The following TBC1D9 variants were observed in gnomAD, a reference collection of about 807,000 sequenced individuals.
TBC1D9 encodes TBC1 domain family member 9A.
In TBC1D9, 63 loss-of-function variants were observed where a neutral mutation model predicts 132.0. The observed-to-expected ratio is 0.48, with a 90% CI of 0.39 to 0.59. The LOEUF (loss-of-function observed/expected upper bound fraction) is 0.59, where lower values mean the gene tolerates loss of function less well. TBC1D9 is among the 20% of genes least tolerant of loss of function. TBC1D9 has a pLI of 0.00. For missense variants in TBC1D9, 1,261 were observed against 1,592.7 expected, an observed-to-expected ratio of 0.79 and a Z score of 3.54; for synonymous variants, 610 against 609.9, an observed-to-expected ratio of 1.00 and a Z score of 0.00.
At chr4:140,643,708 C>T in intron 13 of TBC1D9, 1 of 1,205,824 alleles carries the variant, frequency 8.3e-7, no homozygotes, top group Middle Eastern at 2.1e-4. Context: ...TCCAATGCGG[C>T]CGTGCAGGGT....
At chr4:140,725,667 C>T (rs894881248) in intron 1 of TBC1D9, among the ~76,000 whole-genome samples, 3 of 152,004 alleles carry the variant, frequency 2.0e-5, no homozygotes, top group South Asian at 4.1e-4. Context: ...TTGCTGGATG[C>T]GGATCTCATC....
At chr4:140,732,637 C>T (rs1560899369) in intron 1 of TBC1D9, among the ~76,000 whole-genome samples, 1 of 152,262 alleles carries the variant, frequency 6.6e-6, no homozygotes, top group East Asian at 1.9e-4. Context: ...ATCAGCCACA[C>T]CATTACAAGT....
rs150931926 is a variant in TBC1D9, at chr4:140,647,505, C to A, written c.2338-8077G>T. The stretch of plus-strand genomic sequence containing the variant: ...TGGGCAACTCAGTTGAATCTTCTGA[C>A]CCTGTTTCTTCCTCTATAAAATGAG... On this transcript the variant is annotated intron_variant, in intron 13 of 20. Transcript: ENST00000442267. 3.0e-3 allele frequency among the ~76,000 whole-genome samples: 455 copies of A among 152,276 alleles called. 2 individuals are homozygous for A. The highest frequency in any genetic ancestry group is 5.4e-3 in the Non-Finnish European group (367 of 68,004).
intron 2 of TBC1D9, among the ~76,000 whole-genome samples, chr4:140,688,490 AC>A (rs1182970287): frequency 1.3e-5 from 2 of 152,156 alleles, no homozygotes; most frequent in Admixed American, 1.3e-4. Flanking sequence ...ACATAGTGAT[AC>A]CCTCATCTCT....
In TBC1D9 at chr4:140,627,512, T is replaced by G; in HGVS notation, c.2828A>C (p.Gln943Pro). 1 of 1,608,754 alleles carries G rather than the reference T, an allele frequency of 6.2e-7. No individual in the cohort carries two copies. The highest frequency in any genetic ancestry group is 8.5e-7 in the Non-Finnish European group (1 of 1,176,516). ...MHVLPEPSSDQDEPDSAFEAT... is the reference protein window; with the variant it reads ...MHVLPEPSSDPDEPDSAFEAT... The stretch of plus-strand genomic sequence containing the variant: ...TTCAAAAGCAGAATCTGGTTCATCT[T>G]GATCAGAGGATGGCTCTAGGGAGGG... The change falls in exon 18 of 21, where the codon CAA (glutamine) becomes CCA (proline). Residue 943 changes from glutamine to proline, a missense_variant. This residue lies in a region of TBC1D9 where 618 missense variants were observed against 724.4 expected (regional missense o/e 0.85). Coordinates refer to ENST00000442267, the MANE Select transcript of TBC1D9 (RefSeq NM_015130.3).
intron 1 of TBC1D9, among the ~76,000 whole-genome samples, chr4:140,708,576 C>T (rs1298038182): frequency 3.3e-5 from 5 of 152,156 alleles, no homozygotes; most frequent in Non-Finnish European, 7.3e-5. Flanking sequence ...CCATACTGGC[C>T]AGGGGACCAA....
chr4:140,643,395 G>T (rs1737042408), intron 13 of TBC1D9: 1 of 516,680 alleles, frequency 1.9e-6, no homozygotes, highest in Non-Finnish European at 2.8e-6. Flanking sequence ...CAGCTCCATG[G>T]CCACCTCCAT....
chr4:140,657,541 C>A lies in TBC1D9; in HGVS notation c.2193G>T (p.Met731Ile). Residue 731 changes from methionine to isoleucine, a missense_variant, in exon 12 of 21, where the codon ATG becomes ATT. Around this residue, in one of 3 missense-constraint regions of TBC1D9, gnomAD observed 618 missense variants for 724.4 expected, o/e 0.85. Transcript: ENST00000442267. ...TAGTACAATACCTTCCCAAAACGGT[C>A]ATGGCCTCCCCATCATCCTTGCAGT... ...LLNCKDDGEA[M>I]TVLGRYLDSV... The A allele has an allele frequency of 6.2e-7, 1 of 1,613,416 alleles. No homozygotes were observed. The highest frequency in any genetic ancestry group is 1.1e-5 in the South Asian group (1 of 90,900).
intron 1 of TBC1D9, among the ~76,000 whole-genome samples, chr4:140,708,611 G>A (rs561197223): frequency 6.6e-6 from 1 of 152,334 alleles, no homozygotes; most frequent in South Asian, 2.1e-4. Flanking sequence ...AAATGGTTCT[G>A]TGTGCAGGTG....
chr4:140,624,712 C>T (rs113050197), intron 18 of TBC1D9, among the ~76,000 whole-genome samples: 26 of 152,198 alleles, frequency 1.7e-4, no homozygotes, highest in African/African-American at 6.3e-4. Context: ...AGGTAAAGGA[C>T]CTCCGCAGAA....
At chr4:140,743,548 C>T (rs971960924) in intron 1 of TBC1D9, among the ~76,000 whole-genome samples, 1 of 152,170 alleles carries the variant, frequency 6.6e-6, no homozygotes, top group Admixed American at 6.6e-5. Flanking sequence ...GTGAGGGAGG[C>T]AGAGAACACA....
chr4:140,752,801 A>G (rs1366724880), intron 1 of TBC1D9, among the ~76,000 whole-genome samples: 1 of 152,096 alleles, frequency 6.6e-6, no homozygotes, highest in Non-Finnish European at 1.5e-5. Context: ...ACTTTGACCC[A>G]CTGTTTTTTA....
In TBC1D9 at chr4:140,627,516, C is replaced by G. The variant is rs1171466708; in HGVS notation, c.2824G>C (p.Asp942His). The G allele has an allele frequency of 3.1e-6, 5 of 1,607,292 alleles. No individual in the cohort carries two copies. Among genetic ancestry groups the G allele is most frequent in the Non-Finnish European group, 3.4e-6 (4 of 1,175,484 alleles). The part of the protein sequence containing the change: ...KMHVLPEPSS[D>H]QDEPDSAFEA... ...AAAGCAGAATCTGGTTCATCTTGAT[C>G]AGAGGATGGCTCTAGGGAGGGGAGG... The change falls in exon 18 of 21, where the codon GAT (aspartate) becomes CAT (histidine). Residue 942 changes from aspartate to histidine, a missense_variant. Asp to His is a moderately conservative substitution (Grantham distance 81, BLOSUM62 -1). Transcript: ENST00000442267.
chr4:140,709,248 T>TCTCTCTCACA (rs1382500714), intron 1 of TBC1D9, among the ~76,000 whole-genome samples: 68 of 104,188 alleles, frequency 6.5e-4, no homozygotes, highest in South Asian at 1.7e-3. Flanking sequence ...TCTCTCTCTC[T>TCTCTCTCACA]CACACACACA....
At chr4:140,746,755 C>T (rs780979359) in intron 1 of TBC1D9, among the ~76,000 whole-genome samples, 10 of 152,216 alleles carry the variant, frequency 6.6e-5, no homozygotes, top group East Asian at 5.8e-4. Context: ...TGGGGGAAAC[C>T]GCCCCCATGA....
At chr4:140,637,892 G>A (rs1736906208) in intron 15 of TBC1D9, among the ~76,000 whole-genome samples, 1 of 152,224 alleles carries the variant, frequency 6.6e-6, no homozygotes, top group Non-Finnish European at 1.5e-5. Context: ...TGCAGGGACT[G>A]TGTTATATTG....
intron 1 of TBC1D9, among the ~76,000 whole-genome samples, chr4:140,714,329 G>C (rs1229805262): frequency 6.6e-6 from 1 of 152,112 alleles, no homozygotes; most frequent in African/African-American, 2.4e-5. Context: ...TGTTTTACAG[G>C]GACATAAGAC....
intron 1 of TBC1D9, among the ~76,000 whole-genome samples, chr4:140,710,927 T>A (rs747139087): frequency 6.6e-6 from 1 of 152,208 alleles, no homozygotes; most frequent in Non-Finnish European, 1.5e-5. Context: ...AGCGCTTTTC[T>A]AAGTGTAGGT....
At chr4:140,701,781 G>A (rs774685430) in intron 1 of TBC1D9, among the ~76,000 whole-genome samples, 167 bp from the exon 2 acceptor site, 31 of 152,142 alleles carry the variant, frequency 2.0e-4, no homozygotes, top group Admixed American at 7.2e-4. Flanking sequence ...CTCTACACAA[G>A]TTGCACAACT....
Sources: allele counts gnomAD v4.1 joint callset (sites outside exome capture counted in the v4.1 genomes callset), GRCh38; gene constraint gnomAD v4.1.1; regional missense constraint gnomAD v4.1.1; transcripts MANE v1.5; gene names NCBI Gene and HGNC (gene_info 2026-07-23, HGNC 2026-07-21).